KHDRBS2: variants seen among roughly 807,000 people sequenced by gnomAD.
KHDRBS2 encodes KH domain-containing, RNA-binding, signal transduction-associated protein 2.
In KHDRBS2, 26 loss-of-function variants were observed where a neutral mutation model predicts 44.3. That is an observed-to-expected ratio of 0.59 (90% CI 0.43 to 0.81). The LOEUF (loss-of-function observed/expected upper bound fraction) is 0.81. KHDRBS2 is among the 40% of genes least tolerant of loss of function. KHDRBS2 has a pLI of 0.00. For missense variants in KHDRBS2, 476 were observed against 433.1 expected (o/e 1.10, Z -0.88); for synonymous variants, 194 against 151.1 (o/e 1.28, Z -2.08).
intron 4 of KHDRBS2, among the ~76,000 whole-genome samples, chr6:61,941,501 T>C (rs191994757): frequency 6.6e-6 from 1 of 152,200 alleles, no homozygotes; most frequent in East Asian, 1.9e-4. Context: ...TATACTACCC[T>C]GCAGCCCAAA....
chr6:62,058,284 T>G (rs532816277), intron 2 of KHDRBS2, among the ~76,000 whole-genome samples: 6 of 152,034 alleles, frequency 3.9e-5, no homozygotes, highest in South Asian at 2.1e-4. Flanking sequence ...CAGAGAGAAT[T>G]CTTCATTTTT....
In KHDRBS2 at chr6:62,144,905, T is replaced by A. The variant is rs558118464; in HGVS notation, c.219+32280A>T. ...GTCATGTAATAGACCTTGTTAAACA[T>A]TAAAGGTAAGTCCTTAGTGCATTAG... On this transcript the variant is annotated intron_variant, in intron 2 of 8. Coordinates refer to ENST00000281156, the MANE Select transcript of KHDRBS2 (RefSeq NM_152688.4). Among the ~76,000 whole-genome samples the A allele has an allele frequency of 7.2e-5, 11 of 152,020 alleles. No homozygotes were observed. The East Asian group carries it at 1.4e-3, about 19-fold the overall frequency.
At chr6:61,978,416 T>G (rs569045475) in intron 3 of KHDRBS2, among the ~76,000 whole-genome samples, 1 of 152,204 alleles carries the variant, frequency 6.6e-6, no homozygotes, top group Admixed American at 6.5e-5. Flanking sequence ...GTTTGAATGA[T>G]TTTAAAAACC....
the KHDRBS2 span, among the ~76,000 whole-genome samples, chr6:61,553,083 CTCT>C: frequency 1.3e-5 from 2 of 152,174 alleles, no homozygotes; most frequent in Admixed American, 1.3e-4. Flanking sequence ...ATAATACTTG[CTCT>C]TCTTTATACA....
chr6:62,285,739 G>C, intron 1 of KHDRBS2, 119 bp downstream of exon 1: 1 of 666,924 alleles, frequency 1.5e-6, no homozygotes, highest in South Asian at 1.8e-5. Flanking sequence ...AGCATCTTCA[G>C]GGGGACAGTT....
the KHDRBS2 span, among the ~76,000 whole-genome samples, chr6:61,561,774 A>C: frequency 6.6e-6 from 1 of 152,302 alleles, no homozygotes; most frequent in South Asian, 2.1e-4. Context: ...GGATAGGTCC[A>C]GAAAGACAGA....
Position 61,680,700 on chromosome 6 carries a change from G to C in KHDRBS2, c.*263C>G. The C allele has an allele frequency of 3.8e-6, 1 of 263,494 alleles. No individual in the cohort carries two copies. The highest frequency in any genetic ancestry group is 7.1e-6 in the Non-Finnish European group (1 of 141,564). 16.3% of individuals were successfully genotyped at this position (263,494 alleles called of 1,614,324 possible). On this transcript the variant is annotated 3_prime_UTR_variant, in exon 9 of 9. Transcript: ENST00000281156. ...ACACACAACAATGAAAAACAACCAA[G>C]AGAATATCATCCTACTGAAAGGTTT...
intron 6 of KHDRBS2, among the ~76,000 whole-genome samples, chr6:61,818,868 G>A (rs1015284316): frequency 2.0e-5 from 3 of 151,772 alleles, no homozygotes; most frequent in African/African-American, 2.4e-5. Context: ...TACTTTGAGC[G>A]ATATTTTTTC....
chr6:62,225,429 T>A (rs1831603798), intron 1 of KHDRBS2, among the ~76,000 whole-genome samples: 1 of 152,244 alleles, frequency 6.6e-6, no homozygotes, highest in South Asian at 2.1e-4. Flanking sequence ...GAAAAGACTT[T>A]TTAAATTATA....
the KHDRBS2 span, among the ~76,000 whole-genome samples, chr6:61,671,804 T>C: frequency 1.3e-5 from 2 of 151,852 alleles, no homozygotes; most frequent in African/African-American, 4.8e-5. Context: ...TATACAAGTA[T>C]ATTTCTAGTT....
chr6:61,544,246 A>G, the KHDRBS2 span, among the ~76,000 whole-genome samples: 183 of 152,196 alleles, frequency 1.2e-3, no homozygotes, highest in African/African-American at 4.2e-3. Flanking sequence ...AAAAATTAAA[A>G]TAAATAAAAA....
intron 6 of KHDRBS2, among the ~76,000 whole-genome samples, chr6:61,746,438 G>A (rs1776868816): frequency 6.6e-6 from 1 of 151,034 alleles, no homozygotes; most frequent in Non-Finnish European, 1.5e-5. Flanking sequence ...TTAGTTTGCT[G>A]AAGATGATGG....
At chr6:61,953,212 G>C (rs1765133243) in intron 4 of KHDRBS2, among the ~76,000 whole-genome samples, 2 of 152,012 alleles carry the variant, frequency 1.3e-5, no homozygotes, top group South Asian at 4.1e-4. Context: ...GTGAAAAGTA[G>C]AGAAGCAATT....
intron 4 of KHDRBS2, among the ~76,000 whole-genome samples, chr6:61,964,932 A>G (rs1769575688): frequency 6.6e-6 from 1 of 152,134 alleles, no homozygotes; most frequent in Non-Finnish European, 1.5e-5. Context: ...ACATCTGTAT[A>G]CCCAGAAATA....
intron 4 of KHDRBS2, among the ~76,000 whole-genome samples, chr6:61,964,405 G>C (rs1006203855): frequency 2.6e-5 from 4 of 151,920 alleles, no homozygotes; most frequent in Non-Finnish European, 5.9e-5. Context: ...TTTGATTTCT[G>C]ACTTCAGGGA....
the KHDRBS2 span, among the ~76,000 whole-genome samples, chr6:61,549,582 C>T: frequency 6.6e-6 from 1 of 152,046 alleles, no homozygotes; most frequent in Non-Finnish European, 1.5e-5. Context: ...TTGGTTCTGC[C>T]TGCCTTCTAT....
intron 1 of KHDRBS2, among the ~76,000 whole-genome samples, chr6:62,189,301 G>T (rs1001479232): frequency 7.2e-5 from 11 of 151,974 alleles, no homozygotes; most frequent in African/African-American, 2.7e-4. Context: ...TCTCTCAACA[G>T]TAAGGCTTTC....
intron 4 of KHDRBS2, among the ~76,000 whole-genome samples, chr6:61,940,249 A>T (rs1170763352): frequency 1.8e-4 from 28 of 152,246 alleles, no homozygotes; most frequent in African/African-American, 6.3e-4. Context: ...GTTCAAAAAA[A>T]AAAAAGAATA....
At chr6:61,913,632 A>G (rs184996260) in intron 4 of KHDRBS2, among the ~76,000 whole-genome samples, 75 of 152,224 alleles carry the variant, frequency 4.9e-4, no homozygotes, top group African/African-American at 1.8e-3. Flanking sequence ...AAAGACTGAA[A>G]AAAAGGAATA....
Sources: allele counts gnomAD v4.1 joint callset (sites outside exome capture counted in the v4.1 genomes callset), GRCh38; gene constraint gnomAD v4.1.1; transcripts MANE v1.5; gene names NCBI Gene and HGNC (gene_info 2026-07-23, HGNC 2026-07-21).